TRAPPC12: variants seen among roughly 807,000 people sequenced by gnomAD.
The protein encoded by TRAPPC12 is TPR repeat protein 15.
A neutral mutation model predicts 69.2 loss-of-function variants in TRAPPC12; 61 were observed. The ratio of observed to expected loss-of-function variants is 0.88; its 90% CI spans 0.72 to 1.09. TRAPPC12 has a LOEUF of 1.09. TRAPPC12 is among the 50% of genes least tolerant of loss of function. The pLI is 0.00. For synonymous variants in TRAPPC12, 469 were observed against 438.9 expected, an observed-to-expected ratio of 1.07 and a Z score of -0.86; for missense variants, 1,101 against 1,016.4, an observed-to-expected ratio of 1.08 and a Z score of -1.13.
intron 5 of TRAPPC12, among the ~76,000 whole-genome samples, chr2:3,424,976 GC>G (rs1663015647): frequency 1.3e-5 from 2 of 152,252 alleles, no homozygotes; most frequent in East Asian, 3.9e-4. Flanking sequence ...ACAGGGAAGA[GC>G]CGTCCCATAT....
At chr2:3,418,222 C>G (rs1383817086) in intron 3 of TRAPPC12, among the ~76,000 whole-genome samples, 2 of 108,000 alleles carry the variant, frequency 1.9e-5, no homozygotes. Context: ...TTCTGCCACT[C>G]TGCACCATCA....
intron 5 of TRAPPC12, among the ~76,000 whole-genome samples, chr2:3,440,317 C>G (rs563057634): frequency 1.2e-3 from 175 of 152,172 alleles, no homozygotes; most frequent in Non-Finnish European, 1.9e-3. Context: ...TCTTCCTGTC[C>G]ATGAATGTGG....
intron 3 of TRAPPC12, among the ~76,000 whole-genome samples, chr2:3,412,219 G>A (rs1019823741): frequency 3.3e-5 from 5 of 151,878 alleles, no homozygotes; most frequent in Non-Finnish European, 5.9e-5. Context: ...GGAGAAATAG[G>A]AATTAAGAAT....
chr2:3,409,983 G>A (rs775457533), intron 3 of TRAPPC12, among the ~76,000 whole-genome samples: 9 of 152,096 alleles, frequency 5.9e-5, no homozygotes, highest in Non-Finnish European at 1.2e-4. Flanking sequence ...GTCTGCCAGC[G>A]CCGAGCCCTC....
At chr2:3,389,299 G>A (rs1026071601) in intron 2 of TRAPPC12, among the ~76,000 whole-genome samples, 2 of 152,246 alleles carry the variant, frequency 1.3e-5, no homozygotes, top group Non-Finnish European at 2.9e-5. Flanking sequence ...CCTGGCTTGC[G>A]CTTTGGCATA....
rs1255146248 is a variant in TRAPPC12 at position 3,401,867 on chromosome 2, T to C, written c.1138T>C (p.Ser380Pro). Residue 380 changes from serine to proline, a missense_variant, in exon 3 of 12, where the codon TCT becomes CCT. By Grantham distance (74) the Ser-to-Pro change is moderately conservative. Transcript: ENST00000324266. The part of the protein sequence containing the change: ...QVLNADSVEQ[S>P]FVGLKQLISC... ...CCTAAATGCCGACTCAGTGGAACAA[T>C]CTTTTGTTGGATTGAAACAGCTAAT... is the stretch of plus-strand genomic sequence containing the variant. 6.3e-7 allele frequency: 1 copy of C among 1,591,774 alleles called. No homozygotes were observed. The highest frequency in any genetic ancestry group is 1.2e-5 in the South Asian group (1 of 86,614).
At chr2:3,397,056 C>G (rs1337680264) in intron 2 of TRAPPC12, among the ~76,000 whole-genome samples, 1 of 152,174 alleles carries the variant, frequency 6.6e-6, no homozygotes, top group African/African-American at 2.4e-5. Flanking sequence ...GTAATATCTG[C>G]ATCTATTTTT....
intron 2 of TRAPPC12, among the ~76,000 whole-genome samples, chr2:3,390,251 T>C (rs1014056128): frequency 2.6e-5 from 4 of 152,244 alleles, no homozygotes; most frequent in African/African-American, 9.6e-5. Context: ...AATCATGATC[T>C]ACTGTTTGTT....
Position 3,414,096 on chromosome 2 carries a change from G to A in TRAPPC12, c.1165-7785G>A, listed in dbSNP as rs1662207770. ...TACCCCCCAAAGAATTAGAAAACTAGGTACCCCTCACACATTTTTAAGCTA... is the reference window on the plus strand; with the variant it reads ...TACCCCCCAAAGAATTAGAAAACTAAGTACCCCTCACACATTTTTAAGCTA... On this transcript the variant is annotated intron_variant, in intron 3 of 11. Transcript: ENST00000324266. This position sits in a 1 kb window ranked among gnomAD's most constrained non-coding sequence, Gnocchi z 4.9. Among the ~76,000 whole-genome samples the A allele has an allele frequency of 6.6e-6, 1 of 151,982 alleles. No homozygotes were observed. The highest frequency in any genetic ancestry group is 2.1e-4 in the South Asian group (1 of 4,822).
At chr2:3,448,618 C>CAGCCGG (rs1558391053) in intron 6 of TRAPPC12, among the ~76,000 whole-genome samples, 57 of 102,112 alleles carry the variant, frequency 5.6e-4, no homozygotes, top group Middle Eastern at 5.4e-3. Context: ...GGTAGGGCGT[C>CAGCCGG]TAGAGCAGCC....
intron 2 of TRAPPC12, among the ~76,000 whole-genome samples, chr2:3,392,274 C>T (rs1660870439): frequency 7.2e-6 from 1 of 139,040 alleles, no homozygotes; most frequent in Non-Finnish European, 1.5e-5. Context: ...ACCAGCAAGC[C>T]TGCCATGTCC....
rs1183661295 is a variant in TRAPPC12, at chr2:3,415,917, C to T, written c.1165-5964C>T. 9.2e-5 allele frequency among the ~76,000 whole-genome samples: 14 copies of T among 151,810 alleles called. 1 individual carries two copies. The South Asian group carries it at 1.7e-3, about 18-fold the overall frequency. On this transcript the variant is annotated intron_variant, in intron 3 of 11. Transcript: ENST00000324266. ...ATTTTTAGTAGAGGCGGGGTTTCACCGTGTTAGCCAGGATGGTCTCGATCT... is the reference window on the plus strand; with the variant it reads ...ATTTTTAGTAGAGGCGGGGTTTCACTGTGTTAGCCAGGATGGTCTCGATCT...
chr2:3,417,734 A>G (rs1165333741), intron 3 of TRAPPC12, among the ~76,000 whole-genome samples: 1 of 152,122 alleles, frequency 6.6e-6, no homozygotes, highest in Non-Finnish European at 1.5e-5. Flanking sequence ...TAAAACCTTA[A>G]GTTTCTCATT....
At chr2:3,468,746 T>C (rs1665934618) in intron 9 of TRAPPC12, among the ~76,000 whole-genome samples, 1 of 152,082 alleles carries the variant, frequency 6.6e-6, no homozygotes, top group South Asian at 2.1e-4. Context: ...GGATGGGCTG[T>C]AGGAAGGGGC....
At chr2:3,478,098 G>A (rs866103664) in intron 10 of TRAPPC12, 10 of 212,164 alleles carry the variant, frequency 4.7e-5, no homozygotes, top group Middle Eastern at 1.6e-3. Flanking sequence ...CGTAGCGGCC[G>A]TTCTGGATCC....
chr2:3,457,309 G>A (rs1181506691), intron 6 of TRAPPC12: 3 of 444,988 alleles, frequency 6.7e-6, no homozygotes, highest in Admixed American at 2.8e-5. Context: ...TGGGATGGGA[G>A]GAAGAGCTGA....
At chr2:3,421,600 C>T in intron 3 of TRAPPC12, 1 of 647,250 alleles carries the variant, frequency 1.5e-6, no homozygotes, top group Non-Finnish European at 3.0e-6. Flanking sequence ...AAGCCTCTTC[C>T]CGATGTTCTA....
chr2:3,384,556 ATC>A (rs1660407818), intron 1 of TRAPPC12, among the ~76,000 whole-genome samples: 1 of 152,228 alleles, frequency 6.6e-6, no homozygotes. Flanking sequence ...TTTCTTGTGC[ATC>A]TATTGAGATA....
At chr2:3,466,385 C>T (rs1665811252) in intron 9 of TRAPPC12, 1 of 471,244 alleles carries the variant, frequency 2.1e-6, no homozygotes, top group Non-Finnish European at 4.4e-6. Context: ...CCACAGGCAC[C>T]CACTCACGGT....
Sources: allele counts gnomAD v4.1 joint callset (sites outside exome capture counted in the v4.1 genomes callset), GRCh38; gene constraint gnomAD v4.1.1; non-coding constraint Gnocchi (gnomAD v3.1); transcripts MANE v1.5; gene names NCBI Gene and HGNC (gene_info 2026-07-23, HGNC 2026-07-21).